The following PCDHGA8 variants were observed in gnomAD, a reference collection of about 807,000 sequenced individuals.
PCDHGA8 encodes the protein protocadherin gamma-A8.
PCDHGA8 carries 45 observed loss-of-function variants against 59.2 expected under a neutral mutation model. The observed-to-expected ratio is 0.76, with a 90% CI of 0.60 to 0.98. The LOEUF (loss-of-function observed/expected upper bound fraction) is 0.98, where lower values mean the gene tolerates loss of function less well. PCDHGA8 is among the 50% of genes least tolerant of loss of function. The pLI, the probability that PCDHGA8 is intolerant of heterozygous loss-of-function variation, is 0.00. For missense variants in PCDHGA8, 1,257 were observed against 1,196.2 expected, an observed-to-expected ratio of 1.05 and a Z score of -0.75; for synonymous variants, 531 against 519.0, an observed-to-expected ratio of 1.02 and a Z score of -0.32.
chr5:141,422,043 G>A (rs1307532347), intron 1 of PCDHGA8: 13 of 1,611,504 alleles, frequency 8.1e-6, no homozygotes, highest in African/African-American at 1.3e-5. Flanking sequence ...ATCCAGACGA[G>A]GGAATCAACG....
intron 1 of PCDHGA8, among the ~76,000 whole-genome samples, chr5:141,451,302 G>T (rs1445994098): frequency 6.6e-6 from 1 of 152,208 alleles, no homozygotes; most frequent in Non-Finnish European, 1.5e-5. Context: ...GTCTTACAAG[G>T]CAGCAATTAA....
At chr5:141,492,527 G>A (rs1000672383) in intron 1 of PCDHGA8, among the ~76,000 whole-genome samples, 1 of 152,184 alleles carries the variant, frequency 6.6e-6, no homozygotes, top group African/African-American at 2.4e-5. Flanking sequence ...TCTCCCACCT[G>A]CGCCCCGGGC....
At chr5:141,453,319 G>T (rs2098762311) in intron 1 of PCDHGA8, among the ~76,000 whole-genome samples, 1 of 151,492 alleles carries the variant, frequency 6.6e-6, no homozygotes, top group Admixed American at 6.6e-5. Flanking sequence ...TTATTTTAGA[G>T]ATGGGGTCTC....
chr5:141,469,112 A>T (rs1207790108), intron 1 of PCDHGA8, among the ~76,000 whole-genome samples: 1 of 151,698 alleles, frequency 6.6e-6, no homozygotes, highest in African/African-American at 2.4e-5. Flanking sequence ...ACCTGTCTCT[A>T]AAAAAATTTA....
At chr5:141,411,631 C>G (rs570915798) in intron 1 of PCDHGA8, 1 of 151,812 alleles carries the variant, frequency 6.6e-6, no homozygotes, top group South Asian at 2.1e-4. Context: ...TGCTGTAATC[C>G]CAGCACTTTG....
intron 1 of PCDHGA8, chr5:141,400,564 C>T: frequency 6.2e-7 from 1 of 1,612,936 alleles, no homozygotes; most frequent in South Asian, 1.1e-5. Context: ...ATTACCCACC[C>T]AATTTTCTGT....
chr5:141,496,923 C>T (rs963522127), intron 2 of PCDHGA8, among the ~76,000 whole-genome samples: 9 of 150,728 alleles, frequency 6.0e-5, no homozygotes, highest in East Asian at 1.9e-4. Context: ...CTGTGGTTCA[C>T]GCCTGTAATC....
Position 141,431,141 on chromosome 5 carries a change from G to T in PCDHGA8, c.2424+35904G>T. 1.2e-6 allele frequency: 2 copies of T among 1,614,212 alleles called. No homozygotes were observed. Among genetic ancestry groups the T allele is most frequent in the South Asian group, 1.1e-5 (1 of 91,084 alleles). On this transcript the variant is annotated intron_variant, in intron 1 of 3. Coordinates refer to ENST00000398604, the MANE Select transcript of PCDHGA8 (RefSeq NM_032088.2). This position sits in a 1 kb window ranked among gnomAD's most constrained non-coding sequence, Gnocchi z 4.8. ...AGAAGTAGAAGTAAGGGACATTAACGACAATGCGCCTTACTTTCGTGAAAG... is the reference window on the plus strand; with the variant it reads ...AGAAGTAGAAGTAAGGGACATTAACTACAATGCGCCTTACTTTCGTGAAAG...
At chr5:141,494,190 G>GAGAA (rs2099752701) in intron 1 of PCDHGA8, among the ~76,000 whole-genome samples, 1 of 152,186 alleles carries the variant, frequency 6.6e-6, no homozygotes, top group Non-Finnish European at 1.5e-5. Flanking sequence ...CCCGGGACTT[G>GAGAA]GATGCCCCGC....
At chr5:141,404,661 A>G (rs930319561) in intron 1 of PCDHGA8, 1 of 1,614,098 alleles carries the variant, frequency 6.2e-7, no homozygotes. Context: ...CTCCCCACTG[A>G]TGGTTCTACT....
Position 141,481,770 on chromosome 5 carries a change from G to T in PCDHGA8, c.2425-13037G>T, listed in dbSNP as rs188953511. 6.1e-3 allele frequency among the ~76,000 whole-genome samples: 929 copies of T among 152,184 alleles called. 10 individuals are homozygous for T. Among genetic ancestry groups the T allele is most frequent in the African/African-American group, 0.022 (895 of 41,516 alleles). On this transcript the variant is annotated intron_variant, in intron 1 of 3. Coordinates refer to ENST00000398604, the MANE Select transcript of PCDHGA8 (RefSeq NM_032088.2). ...AGTCCAAGACCAGCCTGGCCAACAT[G>T]GTGAAACCCCGTCTCTACTAAAAAT... is the stretch of plus-strand genomic sequence containing the variant.
rs747304715 is a variant in PCDHGA8, at chr5:141,394,789, C to G, written c.1976C>G (p.Thr659Arg). The G allele has an allele frequency of 6.2e-7, 1 of 1,613,728 alleles. No individual in the cohort carries two copies. Among genetic ancestry groups the G allele is most frequent in the Non-Finnish European group, 8.5e-7 (1 of 1,179,998 alleles). Residue 659 changes from threonine (T) to arginine (R), a missense_variant, in exon 1 of 4, where the codon ACG (threonine) becomes AGG (arginine). Physicochemically the swap from Thr to Arg is moderately conservative, Grantham distance 71. Transcript: ENST00000398604. Reference sequence around the variant, plus strand: ...CAGCCCCCTCTCTCCGCCACTGTCACGCTCACCGTAGCCGTGGCTGACAGC... The same window carrying G: ...CAGCCCCCTCTCTCCGCCACTGTCAGGCTCACCGTAGCCGTGGCTGACAGC... ...HGQPPLSATVTLTVAVADSIP... is the reference protein window; with the variant it reads ...HGQPPLSATVRLTVAVADSIP...
At position 141,418,595 on chromosome 5, in the gene PCDHGA8, G is replaced by A. The variant is rs1331897624; in HGVS notation, c.2424+23358G>A. The A allele has an allele frequency of 2.5e-6, 4 of 1,613,928 alleles. No individual in the cohort carries two copies. Among genetic ancestry groups the A allele is most frequent in the Admixed American group, 3.3e-5 (2 of 60,006 alleles). On this transcript the variant is annotated intron_variant, in intron 1 of 3. Transcript: ENST00000398604. ...CAACCCCCCAGTGTTCAGCCAGGAC[G>A]TGTACAGGGTTAGCCTTCGGGAAGA...
intron 1 of PCDHGA8, among the ~76,000 whole-genome samples, chr5:141,451,062 T>C (rs1292296274): frequency 1.3e-5 from 2 of 151,500 alleles, no homozygotes; most frequent in Non-Finnish European, 2.9e-5. Flanking sequence ...ACTCCTGACC[T>C]TGTGATCCAC....
chr5:141,399,529 G>T (rs946281582), intron 1 of PCDHGA8: 3 of 1,614,010 alleles, frequency 1.9e-6, no homozygotes, highest in Non-Finnish European at 2.5e-6. Flanking sequence ...GGCCTCCATC[G>T]CGCAAGTCTG....
At chr5:141,501,298 C>CAG (rs2099807427) in intron 2 of PCDHGA8, among the ~76,000 whole-genome samples, 1 of 148,330 alleles carries the variant, frequency 6.7e-6, no homozygotes, top group Non-Finnish European at 1.5e-5. Context: ...TATACACACA[C>CAG]ACACACACAC....
chr5:141,445,129 A>G (rs1405841381), intron 1 of PCDHGA8, among the ~76,000 whole-genome samples: 3 of 152,226 alleles, frequency 2.0e-5, no homozygotes, highest in Non-Finnish European at 4.4e-5. Context: ...TATTTTTAAA[A>G]TTGTATCTTC....
At position 141,419,268 on chromosome 5, in the gene PCDHGA8, C is replaced by T. The variant is rs1240259934; in HGVS notation, c.2424+24031C>T. 6.2e-6 allele frequency: 10 copies of T among 1,614,050 alleles called. No homozygotes were observed. The East Asian group carries it at 2.2e-4, about 36-fold the overall frequency. ...CCAGAAAACAACCAGCCGGGTGCCT[C>T]CATAGCGCAAGTCAGTGCCTCTGAC... is the stretch of plus-strand genomic sequence containing the variant. On this transcript the variant is annotated intron_variant, in intron 1 of 3. Transcript: ENST00000398604.
chr5:141,394,336 A>C lies in PCDHGA8; in HGVS notation c.1523A>C (p.Asn508Thr), dbSNP rs1205005872. The change falls in exon 1 of 4, where the codon AAC (asparagine) becomes ACC (threonine). Residue 508 changes from asparagine to threonine, a missense_variant. By Grantham distance (65) the Asn-to-Thr change is moderately conservative (BLOSUM62 0). Coordinates refer to ENST00000398604, the MANE Select transcript of PCDHGA8 (RefSeq NM_032088.2). ...CCCCTGTCCTCGTATATCTCCATCA[A>C]CTCTGACACCGGTGTCCTGTATGCG... The part of the protein sequence containing the change: ...GAPLSSYISI[N>T]SDTGVLYALQ... 6.2e-7 allele frequency: 1 copy of C among 1,613,822 alleles called. No homozygotes were observed. The highest frequency in any genetic ancestry group is 1.1e-5 in the South Asian group (1 of 91,058).
Sources: allele counts gnomAD v4.1 joint callset (sites outside exome capture counted in the v4.1 genomes callset), GRCh38; gene constraint gnomAD v4.1.1; non-coding constraint Gnocchi (gnomAD v3.1); transcripts MANE v1.5; gene names NCBI Gene and HGNC (gene_info 2026-07-23, HGNC 2026-07-21).